The following GRIK3 variants were observed in gnomAD, a reference collection of about 807,000 sequenced individuals.
GRIK3 encodes the protein glutamate receptor ionotropic, kainate 3.
Under a neutral mutation model 102.5 loss-of-function variants are expected in GRIK3, and 29 were observed. The observed-to-expected ratio is 0.28, with a 90% CI of 0.21 to 0.39. GRIK3 has a LOEUF of 0.39. Among genes scored for constraint, GRIK3 ranks in the 10% least tolerant of loss-of-function variants. The pLI, the probability that GRIK3 is intolerant of heterozygous loss-of-function variation, is 1.00. For synonymous variants in GRIK3, 511 were observed against 504.9 expected (o/e 1.01, Z -0.16); for missense variants, 908 against 1,252.4 (o/e 0.73, Z 4.15).
Position 36,817,056 on chromosome 1 carries a change from T to A in GRIK3, c.2091+4A>T, listed in dbSNP as rs1642640358. 6.2e-7 allele frequency: 1 copy of A among 1,603,154 alleles called. No individual in the cohort carries two copies. The highest frequency in any genetic ancestry group is 1.3e-5 in the African/African-American group (1 of 74,706). ...GTGCTGCAATAGGAGGGAGAGGGCC[T>A]CACCTTGAAGAAGGTCATGGTGGCC... On this transcript the variant is annotated splice_donor_region_variant and intron_variant, in intron 13 of 15. Coordinates refer to ENST00000373091, the MANE Select transcript of GRIK3 (RefSeq NM_000831.4).
chr1:36,921,126 C>T (rs921718991), intron 1 of GRIK3, among the ~76,000 whole-genome samples: 2 of 152,250 alleles, frequency 1.3e-5, no homozygotes, highest in African/African-American at 4.8e-5. Flanking sequence ...GCCGAAATCT[C>T]CTCCTCTGCC....
intron 8 of GRIK3, among the ~76,000 whole-genome samples, chr1:36,851,618 A>G (rs1306124073): frequency 6.6e-6 from 1 of 152,242 alleles, no homozygotes; most frequent in Admixed American, 6.5e-5. Context: ...GTTAGATACC[A>G]GGTGCTATGG....
At position 36,805,797 on chromosome 1, in the gene GRIK3, A is replaced by T. The variant is rs544525210; in HGVS notation, c.2314+307T>A. 2.8e-3 allele frequency among the ~76,000 whole-genome samples: 420 copies of T among 151,838 alleles called. 1 individual carries two copies. The highest frequency in any genetic ancestry group is 9.4e-3 in the African/African-American group (389 of 41,426). On this transcript the variant is annotated intron_variant, in intron 14 of 15. Transcript: ENST00000373091. ...ACTAAAAATACAAAACTAGCCAGGC[A>T]TGGTGGCACATGCCTGTAATCCCAG...
intron 1 of GRIK3, among the ~76,000 whole-genome samples, chr1:36,905,042 C>A (rs1347584113): frequency 2.0e-5 from 3 of 151,950 alleles, no homozygotes; most frequent in African/African-American, 7.3e-5. Flanking sequence ...ACAGAGAGCT[C>A]ATCAAGAGGC....
chr1:37,014,834 CTCTTTTCTTATCTTTTCTTT>C (rs373497962), intron 1 of GRIK3, among the ~76,000 whole-genome samples: 241 of 147,566 alleles, frequency 1.6e-3, no homozygotes, highest in African/African-American at 5.8e-3. Context: ...GCCATTTAGC[CTCTTTTCTTATCTTTTCTTT>C]TCTTTTCTTT....
intron 10 of GRIK3, among the ~76,000 whole-genome samples, chr1:36,837,559 C>T (rs1028966444): frequency 3.3e-5 from 5 of 152,132 alleles, no homozygotes; most frequent in African/African-American, 9.7e-5. Context: ...TCAGGTTTGG[C>T]ACAGCAGCAG....
At chr1:36,828,067 A>C (rs1395617564) in intron 10 of GRIK3, among the ~76,000 whole-genome samples, 1 of 148,486 alleles carries the variant, frequency 6.7e-6, no homozygotes, top group East Asian at 2.0e-4. Flanking sequence ...TATACAAAAG[A>C]AAGCAGAAAA....
intron 1 of GRIK3, among the ~76,000 whole-genome samples, chr1:37,012,587 T>C (rs1377957028): frequency 6.6e-6 from 1 of 152,220 alleles, no homozygotes; most frequent in African/African-American, 2.4e-5. Context: ...AAGCACCTAC[T>C]GTTTACCAGG....
At chr1:36,865,791 TG>T (rs1275865244) in intron 5 of GRIK3, among the ~76,000 whole-genome samples, 2 of 152,362 alleles carry the variant, frequency 1.3e-5, no homozygotes, top group Non-Finnish European at 2.9e-5. Context: ...AAGTGCCTGA[TG>T]CCAGGTTTCC....
intron 1 of GRIK3, among the ~76,000 whole-genome samples, chr1:36,959,802 AT>A (rs1449808922): frequency 7.9e-5 from 7 of 88,096 alleles, no homozygotes; most frequent in East Asian, 1.1e-3. Flanking sequence ...TGTGTACCCC[AT>A]GACTCTGTGC....
intron 9 of GRIK3, chr1:36,849,911 G>C (rs1640562170): frequency 5.3e-6 from 1 of 189,206 alleles, no homozygotes; most frequent in Non-Finnish European, 1.1e-5. Context: ...GCACCTGCTG[G>C]GCTCTCGAGG....
chr1:36,859,280 C>T, intron 6 of GRIK3, 29 bp from the exon 7 acceptor site: 1 of 1,582,286 alleles, frequency 6.3e-7, no homozygotes, highest in Non-Finnish European at 8.6e-7. Context: ...CTGAGAGCGG[C>T]TCCCAAGGCC....
intron 1 of GRIK3, among the ~76,000 whole-genome samples, chr1:36,937,187 T>C (rs1641668709): frequency 2.6e-5 from 4 of 152,118 alleles, no homozygotes; most frequent in Admixed American, 6.5e-5. Flanking sequence ...TCTGAAAAGA[T>C]GAGCTGTCCC....
intron 7 of GRIK3, among the ~76,000 whole-genome samples, chr1:36,854,414 A>G (rs965540900): frequency 2.0e-5 from 3 of 152,196 alleles, no homozygotes; most frequent in African/African-American, 7.2e-5. Context: ...CACTGGATAA[A>G]TGGTAGCTTT....
At position 36,898,151 on chromosome 1, in the gene GRIK3, G is replaced by A. The variant is rs528135795; in HGVS notation, c.116-7055C>T. On this transcript the variant is annotated intron_variant, in intron 1 of 15. Coordinates refer to ENST00000373091, the MANE Select transcript of GRIK3 (RefSeq NM_000831.4). The stretch of plus-strand genomic sequence containing the variant: ...AAGGGTAGTGGTAGGCTGGGTGGGG[G>A]GAGGTGGGGGTGCTTAATAGGTACA... Among the ~76,000 whole-genome samples, 36 of 152,126 alleles carry A rather than the reference G, an allele frequency of 2.4e-4. No homozygotes were observed. The South Asian group carries it at 4.2e-3, about 18-fold the overall frequency.
At chr1:36,959,111 A>G (rs1333209286) in intron 1 of GRIK3, among the ~76,000 whole-genome samples, 39 of 71,866 alleles carry the variant, frequency 5.4e-4, no homozygotes, top group South Asian at 2.7e-3. Context: ...TCTGTGCCCC[A>G]TGACTCTGTG....
intron 4 of GRIK3, among the ~76,000 whole-genome samples, chr1:36,871,360 C>T (rs552200139): frequency 4.6e-5 from 7 of 152,324 alleles, no homozygotes; most frequent in East Asian, 1.9e-4. Context: ...GAGAACACTC[C>T]GGCTCAGCGT....
At chr1:36,946,264 C>G (rs565262295) in intron 1 of GRIK3, among the ~76,000 whole-genome samples, 2 of 152,380 alleles carry the variant, frequency 1.3e-5, no homozygotes, top group African/African-American at 4.8e-5. Flanking sequence ...GATGGGACAC[C>G]TGGGACACCG....
At chr1:36,898,037 G>T (rs1019024454) in intron 1 of GRIK3, among the ~76,000 whole-genome samples, 1 of 151,824 alleles carries the variant, frequency 6.6e-6, no homozygotes, top group African/African-American at 2.4e-5. Flanking sequence ...AATAAGCCAG[G>T]CACAGAAAGA....
Sources: allele counts gnomAD v4.1 joint callset (sites outside exome capture counted in the v4.1 genomes callset), GRCh38; gene constraint gnomAD v4.1.1; transcripts MANE v1.5; gene names NCBI Gene and HGNC (gene_info 2026-07-23, HGNC 2026-07-21).